LRP1B: variants seen among roughly 807,000 people sequenced by gnomAD.
LRP1B encodes low-density lipoprotein receptor-related protein 1B.
LRP1B carries 217 observed loss-of-function variants against 556.6 expected under a neutral mutation model. The ratio of observed to expected loss-of-function variants is 0.39; its 90% confidence interval spans 0.35 to 0.44. The LOEUF is 0.44. Among genes scored for constraint, LRP1B ranks in the 20% least tolerant of loss-of-function variants. LRP1B has a pLI of 1.00. For missense variants in LRP1B, 5,053 were observed against 5,620.8 expected (o/e 0.90, Z 3.23); for synonymous variants, 2,047 against 1,865.8 (o/e 1.10, Z -2.50).
chr2:141,286,065 T>TAAA (rs1685708950), intron 3 of LRP1B, among the ~76,000 whole-genome samples: 3 of 19,820 alleles, frequency 1.5e-4, no homozygotes, highest in African/African-American at 4.4e-4. Context: ...AGACTCCGTC[T>TAAA]CAAAAAAAAA....
Position 141,837,243 on chromosome 2 carries a change from C to T in LRP1B, c.83-26842G>A, listed in dbSNP as rs963339004. On this transcript the variant is annotated intron_variant, in intron 1 of 90. Coordinates refer to ENST00000389484, the MANE Select transcript of LRP1B (RefSeq NM_018557.3). Reference sequence around the variant, plus strand: ...TAAGAAATAGTAAGGAGAGAGTCATCAAAGGGGTTTTTATAAAAGTTGCCA... The same window carrying T: ...TAAGAAATAGTAAGGAGAGAGTCATTAAAGGGGTTTTTATAAAAGTTGCCA... 2.6e-5 allele frequency among the ~76,000 whole-genome samples: 4 copies of T among 152,022 alleles called. No homozygotes were observed. The East Asian group carries it at 5.8e-4, about 22-fold the overall frequency.
intron 37 of LRP1B, 40 bp from the exon 38 acceptor site, chr2:140,702,593 T>C (rs763799171): frequency 1.3e-6 from 2 of 1,593,598 alleles, no homozygotes; most frequent in African/African-American, 1.3e-5. Flanking sequence ...TATGTACATT[T>C]ATTTGTAGTA....
At position 140,536,696 on chromosome 2, in the gene LRP1B, G is replaced by A. The variant is rs754074138; in HGVS notation, c.7527C>T (p.Ser2509=). The change falls in exon 46 of 91, where the codon TCC becomes TCT. Residue 2509 remains serine (S), a synonymous_variant. Coordinates refer to ENST00000389484, the MANE Select transcript of LRP1B (RefSeq NM_018557.3). ...EDNRCVTKNS[S]CNAYSEFECG... ...ATTCAAACTCCGAATAAGCGTTGCAGGAGGAATTTTTAGCTGCAAGAAAAA... is the reference window on the plus strand; with the variant it reads ...ATTCAAACTCCGAATAAGCGTTGCAAGAGGAATTTTTAGCTGCAAGAAAAA... 1.6e-5 allele frequency: 26 copies of A among 1,591,218 alleles called. 1 individual carries two copies. In the Admixed American group the frequency reaches 2.6e-4, roughly 16 times the overall value.
At chr2:140,361,341 C>CATATATATATATATATACATATATAT (rs1682492834) in intron 72 of LRP1B, among the ~76,000 whole-genome samples, 1 of 30,714 alleles carries the variant, frequency 3.3e-5, no homozygotes, top group African/African-American at 9.2e-5. Context: ...ACTTGGAAAG[C>CATATATATATATATATACATATATAT]ATATATATAT....
intron 41 of LRP1B, among the ~76,000 whole-genome samples, chr2:140,650,817 C>T (rs887397190): frequency 1.1e-4 from 16 of 152,120 alleles, no homozygotes; most frequent in Non-Finnish European, 1.9e-4. Context: ...GGAAAACTTG[C>T]TCCCAATAGT....
At chr2:141,434,280 C>T (rs1680674539) in intron 3 of LRP1B, among the ~76,000 whole-genome samples, 1 of 152,044 alleles carries the variant, frequency 6.6e-6, no homozygotes, top group South Asian at 2.1e-4. Context: ...TTCATTTTAA[C>T]TTTTTTCCTC....
intron 2 of LRP1B, among the ~76,000 whole-genome samples, chr2:141,597,452 G>C (rs563235907): frequency 2.6e-5 from 4 of 152,116 alleles, no homozygotes; most frequent in African/African-American, 9.6e-5. Context: ...CTAATAACAT[G>C]TTCAATTTGC....
chr2:141,883,983 G>A lies in LRP1B; in HGVS notation c.83-73582C>T, dbSNP rs193217519. 2.0e-5 allele frequency among the ~76,000 whole-genome samples: 3 copies of A among 152,204 alleles called. No homozygotes were observed. In the East Asian group the frequency reaches 5.8e-4, roughly 29 times the overall value. ...GAAAACTGACCACTTGCAATTTCAA[G>A]CAACCAAATTGTTTTTCATTTACAA... On this transcript the variant is annotated intron_variant, in intron 1 of 90. Transcript: ENST00000389484.
intron 1 of LRP1B, among the ~76,000 whole-genome samples, chr2:141,861,881 G>C (rs1698253311): frequency 6.6e-6 from 1 of 151,702 alleles, no homozygotes. Flanking sequence ...AGTGAGCCAA[G>C]ATAGTGCCAC....
intron 41 of LRP1B, among the ~76,000 whole-genome samples, chr2:140,621,154 G>A (rs1683435707): frequency 6.6e-6 from 1 of 151,802 alleles, no homozygotes; most frequent in South Asian, 2.1e-4. Context: ...GGCCGAGGCA[G>A]GTGGATCATG....
intron 3 of LRP1B, among the ~76,000 whole-genome samples, chr2:141,324,014 C>CACAT (rs1553495601): frequency 7.8e-6 from 1 of 128,088 alleles, no homozygotes. Context: ...CACACACACA[C>CACAT]CTGAACAAGG....
intron 87 of LRP1B, among the ~76,000 whole-genome samples, chr2:140,241,910 A>G (rs1053457246): frequency 6.6e-6 from 1 of 151,034 alleles, no homozygotes; most frequent in Admixed American, 6.6e-5. Context: ...ACTGAAAAAC[A>G]TAGACTCTGT....
At chr2:140,470,691 G>A (rs1314138178) in intron 60 of LRP1B, among the ~76,000 whole-genome samples, 2 of 139,414 alleles carry the variant, frequency 1.4e-5, no homozygotes, top group Non-Finnish European at 3.1e-5. Flanking sequence ...GATTCTGAAA[G>A]TATTGATTGA....
intron 3 of LRP1B, among the ~76,000 whole-genome samples, chr2:141,285,519 G>A (rs1685680670): frequency 1.8e-5 from 2 of 111,760 alleles, no homozygotes; most frequent in South Asian, 6.1e-4. Flanking sequence ...GCAATGGCTT[G>A]GCATCAGCTC....
intron 57 of LRP1B, among the ~76,000 whole-genome samples, chr2:140,492,306 G>A (rs1264728241): frequency 6.6e-6 from 1 of 152,064 alleles, no homozygotes; most frequent in Non-Finnish European, 1.5e-5. Context: ...TACACCACAG[G>A]AATGGTGGTC....
intron 79 of LRP1B, among the ~76,000 whole-genome samples, chr2:140,327,501 A>C (rs1226356752): frequency 1.3e-5 from 2 of 152,054 alleles, no homozygotes; most frequent in Non-Finnish European, 2.9e-5. Context: ...TTTCATGTAG[A>C]ATTATGAGTA....
intron 34 of LRP1B, among the ~76,000 whole-genome samples, chr2:140,770,484 A>G (rs1689272556): frequency 6.6e-6 from 1 of 151,936 alleles, no homozygotes; most frequent in Non-Finnish European, 1.5e-5. Context: ...CTGAGACCTC[A>G]CATTCTCTCT....
intron 83 of LRP1B, among the ~76,000 whole-genome samples, chr2:140,303,719 T>TA (rs1683941415): frequency 6.6e-6 from 1 of 152,246 alleles, no homozygotes; most frequent in South Asian, 2.1e-4. Flanking sequence ...GCGGGTTTGT[T>TA]ACATAGGTAT....
chr2:141,424,935 A>T lies in LRP1B; in HGVS notation c.343+55461T>A, dbSNP rs1573930906. ...ATTTTTCTTTATTATTATTATTATT[A>T]TACTTTAAGTTTTAGGGTACATGTG... On this transcript the variant is annotated intron_variant, in intron 3 of 90. Coordinates refer to ENST00000389484, the MANE Select transcript of LRP1B (RefSeq NM_018557.3). Among the ~76,000 whole-genome samples the T allele has an allele frequency of 3.9e-5, 6 of 152,162 alleles. No individual in the cohort carries two copies. The East Asian group carries it at 1.2e-3, about 29-fold the overall frequency.
Sources: gnomAD v4.1 joint callset for allele counts (sites outside exome capture counted in the v4.1 genomes callset) on GRCh38, gnomAD v4.1.1 for gene constraint, MANE v1.5 for transcripts, NCBI Gene and HGNC (gene_info 2026-07-23, HGNC 2026-07-21) for gene names.